Variants in PPP2R5A observed in about 807,000 individuals in gnomAD.
PPP2R5A encodes the protein serine/threonine-protein phosphatase 2A 56 kDa regulatory subunit alpha isoform.
Under a neutral mutation model 64.2 loss-of-function variants are expected in PPP2R5A, and 25 were observed. The observed-to-expected ratio is 0.39, with a 90% CI of 0.28 to 0.54. The LOEUF (loss-of-function observed/expected upper bound fraction) is 0.54, where lower values mean the gene tolerates loss of function less well. PPP2R5A is among the 20% of genes least tolerant of loss of function. PPP2R5A has a pLI of 0.67. For missense variants in PPP2R5A, 425 were observed against 576.3 expected (o/e 0.74, Z 2.69); for synonymous variants, 198 against 201.2 (o/e 0.98, Z 0.13).
At chr1:212,303,780 AC>A in intron 1 of PPP2R5A, among the ~76,000 whole-genome samples, 1 of 152,170 alleles carries the variant, frequency 6.6e-6, no homozygotes, top group East Asian at 1.9e-4. Flanking sequence ...TCTCCACACC[AC>A]TTGTTGAAAA....
chr1:212,290,277 C>T (rs970549758), intron 1 of PPP2R5A, among the ~76,000 whole-genome samples: 11 of 152,148 alleles, frequency 7.2e-5, no homozygotes, highest in Admixed American at 5.2e-4. Flanking sequence ...AGAACACTGA[C>T]ATTATCTTAA....
chr1:212,306,822 A>G (rs1438759765), intron 1 of PPP2R5A: 1 of 151,952 alleles, frequency 6.6e-6, no homozygotes, highest in Non-Finnish European at 1.5e-5. Flanking sequence ...TAGTGGCGCG[A>G]TCTCCACTCA....
At chr1:212,309,378 C>G in intron 1 of PPP2R5A, 1 of 1,502,754 alleles carries the variant, frequency 6.7e-7, no homozygotes, top group Non-Finnish European at 9.2e-7. Context: ...TCTTGGGCCG[C>G]CGGAAGGTGG....
intron 4 of PPP2R5A, among the ~76,000 whole-genome samples, chr1:212,344,234 A>C (rs1659735862): frequency 1.3e-5 from 2 of 152,326 alleles, no homozygotes; most frequent in South Asian, 4.1e-4. Context: ...TTGGCCTCCC[A>C]AAGTGCTGGG....
chr1:212,316,613 T>TTTA (rs1491340211), intron 1 of PPP2R5A, among the ~76,000 whole-genome samples: 2 of 138,848 alleles, frequency 1.4e-5, no homozygotes, highest in Non-Finnish European at 3.1e-5. Flanking sequence ...TTTTTTTTTT[T>TTTA]AATCTGAAAG....
chr1:212,317,725 C>T (rs1659184868), intron 1 of PPP2R5A, among the ~76,000 whole-genome samples: 1 of 152,002 alleles, frequency 6.6e-6, no homozygotes, highest in South Asian at 2.1e-4. Context: ...CAGTGGCTTA[C>T]GCCTGTAATC....
At chr1:212,321,267 C>T (rs1376813204) in intron 1 of PPP2R5A, among the ~76,000 whole-genome samples, 8 of 138,766 alleles carry the variant, frequency 5.8e-5, no homozygotes, top group African/African-American at 2.2e-4. Flanking sequence ...TAGGGGCGGC[C>T]GGGCAGAGGC....
intron 1 of PPP2R5A, among the ~76,000 whole-genome samples, chr1:212,291,544 G>A (rs889208564): frequency 4.6e-5 from 7 of 152,276 alleles, no homozygotes; most frequent in African/African-American, 1.7e-4. Context: ...GAGAATCACC[G>A]GGTTAGCATT....
chr1:212,320,361 G>A (rs1268335131), intron 1 of PPP2R5A, among the ~76,000 whole-genome samples: 1 of 152,108 alleles, frequency 6.6e-6, no homozygotes, highest in East Asian at 1.9e-4. Flanking sequence ...ACACAGACAT[G>A]GCAACCATCC....
chr1:212,317,305 C>T (rs1008384356), intron 1 of PPP2R5A, among the ~76,000 whole-genome samples: 1 of 141,988 alleles, frequency 7.0e-6, no homozygotes, highest in Admixed American at 7.2e-5. Flanking sequence ...CCATTTTTAA[C>T]TGATATGTAC....
rs114773436 is a variant in PPP2R5A, at chr1:212,304,280, C to T, written c.181+17989C>T. 8.8e-3 allele frequency among the ~76,000 whole-genome samples: 1,342 copies of T among 152,062 alleles called. 23 individuals are homozygous for T. Among genetic ancestry groups the T allele is most frequent in the African/African-American group, 0.031 (1,279 of 41,450 alleles). ...TTTAAGAGATGGGGTCAGCCAGGTGCGGTGGCTCTCCTATAATGCCAGCAC... is the reference window on the plus strand; with the variant it reads ...TTTAAGAGATGGGGTCAGCCAGGTGTGGTGGCTCTCCTATAATGCCAGCAC... On this transcript the variant is annotated intron_variant, in intron 1 of 12. Coordinates refer to ENST00000261461, the MANE Select transcript of PPP2R5A (RefSeq NM_006243.4).
chr1:212,356,501 A>T, intron 8 of PPP2R5A, 125 bp from the exon 9 acceptor site: 1 of 838,226 alleles, frequency 1.2e-6, no homozygotes, highest in Non-Finnish European at 1.8e-6. Flanking sequence ...GTCTATTTAT[A>T]CACATATATT....
chr1:212,345,853 G>A lies in PPP2R5A; in HGVS notation c.624G>A (p.Lys208=). The part of the protein sequence containing the change: ...SEDPRERDFL[K]TVLHRIYGKF... ...ATCCCAGAGAACGTGACTTCCTGAA[G>A]ACTGTTCTGCACCGAATTTATGGGA... The change falls in exon 5 of 13, where the codon AAG becomes AAA. Residue 208 remains lysine, a synonymous_variant. Transcript: ENST00000261461. 6.2e-7 allele frequency: 1 copy of A among 1,612,106 alleles called. No homozygotes were observed. The highest frequency in any genetic ancestry group is 8.5e-7 in the Non-Finnish European group (1 of 1,179,166).
Position 212,286,988 on chromosome 1 carries a change from A to G in PPP2R5A, c.181+697A>G, listed in dbSNP as rs544224773. Among the ~76,000 whole-genome samples the G allele has an allele frequency of 6.6e-5, 10 of 152,356 alleles. No homozygotes were observed. In the East Asian group the frequency reaches 1.5e-3, roughly 23 times the overall value. On this transcript the variant is annotated intron_variant, in intron 1 of 12. Coordinates refer to ENST00000261461, the MANE Select transcript of PPP2R5A (RefSeq NM_006243.4). Reference sequence around the variant, plus strand: ...TTGTCTGAGCCGATACACATGGTCTATTTGGAAATACGAAGGAGTAGGTAG... The same window carrying G: ...TTGTCTGAGCCGATACACATGGTCTGTTTGGAAATACGAAGGAGTAGGTAG...
chr1:212,291,657 C>T (rs1318827816), intron 1 of PPP2R5A, among the ~76,000 whole-genome samples: 2 of 152,200 alleles, frequency 1.3e-5, no homozygotes, highest in Admixed American at 6.5e-5. Flanking sequence ...CTGGCTTCAC[C>T]TCCTGCTATT....
In PPP2R5A at chr1:212,286,141, G is replaced by A; in HGVS notation, c.31G>A (p.Ala11Thr). The A allele has an allele frequency of 2.5e-6, 4 of 1,584,988 alleles. No individual in the cohort carries two copies. Among genetic ancestry groups the A allele is most frequent in the East Asian group, 2.3e-5 (1 of 43,204 alleles). Reference sequence around the variant, plus strand: ...GTCGTCGTCGCCGCCGGCGGGGGCTGCCAGCGCCGCCATCTCGGCCTCGGA... The same window carrying A: ...GTCGTCGTCGCCGCCGGCGGGGGCTACCAGCGCCGCCATCTCGGCCTCGGA... MSSSSPPAGAASAAISASEKV... is the reference protein window; with the variant it reads MSSSSPPAGATSAAISASEKV... The change falls in exon 1 of 13, where the codon GCC becomes ACC. Residue 11 changes from alanine (A) to threonine (T), a missense_variant. Coordinates refer to ENST00000261461, the MANE Select transcript of PPP2R5A (RefSeq NM_006243.4).
At chr1:212,311,216 C>T (rs906715083) in intron 1 of PPP2R5A, among the ~76,000 whole-genome samples, 17 of 152,312 alleles carry the variant, frequency 1.1e-4, no homozygotes, top group African/African-American at 3.8e-4. Flanking sequence ...TCAAGCCTAT[C>T]CCAGCACTTC....
At chr1:212,303,816 T>G (rs1169711523) in intron 1 of PPP2R5A, among the ~76,000 whole-genome samples, 1 of 152,234 alleles carries the variant, frequency 6.6e-6, no homozygotes, top group Non-Finnish European at 1.5e-5. Context: ...TTAGATGGTC[T>G]TGGCCCTTTT....
chr1:212,305,529 A>G (rs1047468902), intron 1 of PPP2R5A, among the ~76,000 whole-genome samples: 1 of 151,970 alleles, frequency 6.6e-6, no homozygotes, highest in African/African-American at 2.4e-5. Flanking sequence ...GTGAGTATAA[A>G]TTCTGTAGTG....
Sources: gnomAD v4.1 joint callset for allele counts (sites outside exome capture counted in the v4.1 genomes callset) on GRCh38, gnomAD v4.1.1 for gene constraint, MANE v1.5 for transcripts, NCBI Gene and HGNC (gene_info 2026-07-23, HGNC 2026-07-21) for gene names.